Variants in PPFIA2 observed in about 807,000 individuals in gnomAD.
The protein encoded by PPFIA2 is liprin-alpha-2.
A neutral mutation model predicts 175.5 loss-of-function variants in PPFIA2; 46 were observed. The observed-to-expected ratio is 0.26, with a 90% CI of 0.21 to 0.34. PPFIA2 has a LOEUF of 0.34. PPFIA2 is among the 10% of genes least tolerant of loss of function. PPFIA2 has a pLI of 1.00. For missense variants in PPFIA2, 1,179 were observed against 1,506.1 expected, an observed-to-expected ratio of 0.78 and a Z score of 3.60; for synonymous variants, 568 against 511.4, an observed-to-expected ratio of 1.11 and a Z score of -1.49.
At chr12:81,665,250 T>G (rs1015876234) in intron 4 of PPFIA2, among the ~76,000 whole-genome samples, 1 of 152,064 alleles carries the variant, frequency 6.6e-6, no homozygotes, top group Non-Finnish European at 1.5e-5. Flanking sequence ...AACCCAGAGT[T>G]GTTTCATTAC....
intron 8 of PPFIA2, among the ~76,000 whole-genome samples, chr12:81,403,898 T>C (rs888307386): frequency 2.0e-5 from 3 of 152,140 alleles, no homozygotes; most frequent in Admixed American, 2.0e-4. Context: ...GAGGTCAAAT[T>C]GCACACTTGA....
At chr12:81,710,999 G>A (rs1052031778) in intron 3 of PPFIA2, among the ~76,000 whole-genome samples, 3 of 151,288 alleles carry the variant, frequency 2.0e-5, no homozygotes, top group South Asian at 2.1e-4. Flanking sequence ...TTGGGAGGCC[G>A]AGAAGAGAAC....
chr12:81,465,414 A>G (rs899960970), intron 4 of PPFIA2: 1 of 152,126 alleles, frequency 6.6e-6, no homozygotes, highest in Admixed American at 6.6e-5. Context: ...GCAAATCAAA[A>G]ATAGCGCTCA....
chr12:81,416,579 C>G (rs777967902), intron 7 of PPFIA2, among the ~76,000 whole-genome samples: 1 of 151,686 alleles, frequency 6.6e-6, no homozygotes, highest in Non-Finnish European at 1.5e-5. Flanking sequence ...AAATAGGTGT[C>G]TCACAGTGAA....
At chr12:81,363,662 T>C (rs2031931815) in intron 14 of PPFIA2, among the ~76,000 whole-genome samples, 1 of 151,818 alleles carries the variant, frequency 6.6e-6, no homozygotes, top group East Asian at 1.9e-4. Flanking sequence ...TAATGTGGCC[T>C]TTGCAATGTT....
intron 4 of PPFIA2, among the ~76,000 whole-genome samples, chr12:81,637,896 C>T (rs1193747357): frequency 6.6e-6 from 1 of 152,084 alleles, no homozygotes; most frequent in African/African-American, 2.4e-5. Flanking sequence ...AGAAAAAGGA[C>T]ATACATATCT....
At chr12:81,704,849 C>T (rs1386068999) in intron 3 of PPFIA2, among the ~76,000 whole-genome samples, 3 of 151,284 alleles carry the variant, frequency 2.0e-5, no homozygotes, top group African/African-American at 7.3e-5. Flanking sequence ...TTTGGGAGGC[C>T]GAGGCAGGTG....
At chr12:81,388,213 A>G (rs2142124565) in intron 8 of PPFIA2, among the ~76,000 whole-genome samples, 1 of 152,314 alleles carries the variant, frequency 6.6e-6, no homozygotes, top group Non-Finnish European at 1.5e-5. Flanking sequence ...GTACAATGCA[A>G]TCATGCTAAA....
At chr12:81,703,061 C>T (rs551467997) in intron 3 of PPFIA2, among the ~76,000 whole-genome samples, 16 of 152,224 alleles carry the variant, frequency 1.1e-4, no homozygotes, top group Admixed American at 3.3e-4. Flanking sequence ...TAGACTAAGA[C>T]GCCGGTGTTC....
chr12:81,404,535 G>A (rs1053041438), intron 8 of PPFIA2, among the ~76,000 whole-genome samples: 1 of 152,136 alleles, frequency 6.6e-6, no homozygotes, highest in African/African-American at 2.4e-5. Context: ...TTAGTTGAAG[G>A]AAAGATAAAT....
intron 4 of PPFIA2, among the ~76,000 whole-genome samples, chr12:81,485,702 T>C (rs1306047393): frequency 6.6e-6 from 1 of 151,910 alleles, no homozygotes; most frequent in Admixed American, 6.6e-5. Flanking sequence ...AGTCACAAAA[T>C]AGTAAACAAA....
chr12:81,661,067 C>G (rs878934291), intron 4 of PPFIA2, among the ~76,000 whole-genome samples: 6 of 152,184 alleles, frequency 3.9e-5, no homozygotes, highest in Non-Finnish European at 8.8e-5. Flanking sequence ...TGGAAAGGAA[C>G]AACCAGTAAC....
chr12:81,568,821 C>T (rs1280706183), intron 4 of PPFIA2, among the ~76,000 whole-genome samples: 3 of 152,062 alleles, frequency 2.0e-5, no homozygotes, highest in Non-Finnish European at 2.9e-5. Flanking sequence ...TTCTCTACAG[C>T]GTTACTCAGT....
chr12:81,432,055 C>A (rs1258440607), intron 7 of PPFIA2, among the ~76,000 whole-genome samples: 1 of 152,152 alleles, frequency 6.6e-6, no homozygotes, highest in African/African-American at 2.4e-5. Context: ...TTTATATTCA[C>A]ATTAGTCATA....
chr12:81,403,340 T>A (rs1226696945), intron 8 of PPFIA2, among the ~76,000 whole-genome samples: 2 of 152,192 alleles, frequency 1.3e-5, no homozygotes, highest in African/African-American at 2.4e-5. Context: ...GAGACAAATA[T>A]CAATTATGCA....
intron 4 of PPFIA2, among the ~76,000 whole-genome samples, chr12:81,632,728 G>A (rs1048105754): frequency 2.0e-5 from 3 of 151,108 alleles, no homozygotes; most frequent in African/African-American, 2.4e-5. Context: ...AGCTACAAAT[G>A]CAGTAGCTGT....
chr12:81,538,701 G>T (rs1412039016), intron 4 of PPFIA2, among the ~76,000 whole-genome samples: 2 of 151,890 alleles, frequency 1.3e-5, no homozygotes, highest in African/African-American at 4.8e-5. Flanking sequence ...TGTACTGTCT[G>T]TTTTGTGGAA....
intron 4 of PPFIA2, among the ~76,000 whole-genome samples, chr12:81,567,404 T>G (rs993642509): frequency 2.6e-5 from 4 of 152,190 alleles, no homozygotes; most frequent in Admixed American, 6.5e-5. Context: ...TATTAATACC[T>G]GATTTTGTGC....
intron 4 of PPFIA2, among the ~76,000 whole-genome samples, chr12:81,567,317 G>A (rs951776253): frequency 4.6e-5 from 7 of 152,174 alleles, no homozygotes; most frequent in Non-Finnish European, 7.3e-5. Context: ...CCAAAGTGCT[G>A]GGATTACAGG....
Sources: gnomAD v4.1 joint callset for allele counts (sites outside exome capture counted in the v4.1 genomes callset) on GRCh38, gnomAD v4.1.1 for gene constraint, MANE v1.5 for transcripts, NCBI Gene and HGNC (gene_info 2026-07-23, HGNC 2026-07-21) for gene names.